METTL24: variants seen among roughly 807,000 people sequenced by gnomAD.
METTL24 encodes probable methyltransferase-like protein 24.
Under a neutral mutation model 32.7 loss-of-function variants are expected in METTL24, and 29 were observed. That is an observed-to-expected ratio of 0.89 (90% CI 0.66 to 1.21). METTL24 has a LOEUF of 1.21. Among genes scored for constraint, METTL24 ranks in the 50% most tolerant of loss-of-function variants. The pLI, the probability that METTL24 is intolerant of heterozygous loss-of-function variation, is 0.00. For synonymous variants in METTL24, 163 were observed against 179.5 expected (o/e 0.91, Z 0.73); for missense variants, 439 against 468.1 (o/e 0.94, Z 0.57).
intron 4 of METTL24, among the ~76,000 whole-genome samples, chr6:110,251,564 C>T (rs897598290): frequency 6.6e-6 from 1 of 152,088 alleles, no homozygotes; most frequent in Non-Finnish European, 1.5e-5. Flanking sequence ...GTTTGCACCA[C>T]CATAACAAAA....
intron 1 of METTL24, chr6:110,332,352 A>G (rs1009253665): frequency 4.8e-6 from 1 of 208,754 alleles, no homozygotes; most frequent in Non-Finnish European, 8.3e-6. Flanking sequence ...TGTGAGCAAG[A>G]CTGAAACACA....
intron 1 of METTL24, among the ~76,000 whole-genome samples, chr6:110,341,925 G>A (rs533546113): frequency 2.2e-4 from 34 of 152,246 alleles, no homozygotes; most frequent in African/African-American, 7.9e-4. Context: ...CCTTTTTAAC[G>A]CAAAAGCCCT....
intron 1 of METTL24, among the ~76,000 whole-genome samples, chr6:110,354,248 G>A (rs1201765077): frequency 6.6e-6 from 1 of 152,136 alleles, no homozygotes; most frequent in Non-Finnish European, 1.5e-5. Flanking sequence ...AAGGGGACGA[G>A]GAAAGAAAGA....
At position 110,265,812 on chromosome 6, in the gene METTL24, G is replaced by A. The variant is rs1041800504; in HGVS notation, c.787-19552C>T. 3.3e-5 allele frequency among the ~76,000 whole-genome samples: 5 copies of A among 149,986 alleles called. No homozygotes were observed. In the East Asian group the frequency reaches 9.7e-4, roughly 29 times the overall value. On this transcript the variant is annotated intron_variant, in intron 4 of 4. Transcript: ENST00000338882. ...CTCCCTCCAGAGTTCTTTTATGTAA[G>A]AGAAGGAAGAAAATTTTTCTTTTTT...
intron 4 of METTL24, among the ~76,000 whole-genome samples, chr6:110,262,445 T>C (rs541290268): frequency 2.6e-5 from 4 of 152,052 alleles, no homozygotes; most frequent in Non-Finnish European, 5.9e-5. Flanking sequence ...AATAGACCAA[T>C]AACAGGCTCT....
chr6:110,321,032 T>G (rs1393424859), intron 2 of METTL24, among the ~76,000 whole-genome samples: 1 of 150,996 alleles, frequency 6.6e-6, no homozygotes, highest in African/African-American at 2.4e-5. Context: ...AGGTCAGGAG[T>G]TCAAGACCAG....
intron 1 of METTL24, among the ~76,000 whole-genome samples, chr6:110,336,838 T>A (rs1316751080): frequency 1.3e-5 from 2 of 151,782 alleles, no homozygotes; most frequent in African/African-American, 2.4e-5. Flanking sequence ...GAAAATTAGT[T>A]CAACCGTTAG....
At position 110,358,005 on chromosome 6, in the gene METTL24, C is replaced by G; in HGVS notation, c.268G>C (p.Gly90Arg). 1.7e-6 allele frequency: 2 copies of G among 1,162,904 alleles called. No homozygotes were observed. The highest frequency in any genetic ancestry group is 2.1e-6 in the Non-Finnish European group (2 of 944,004). 72.0% of individuals were successfully genotyped at this position (1,162,904 alleles called of 1,614,324 possible). A position where few individuals can be genotyped will look rare whatever the true frequency, so the allele number is the denominator to read the frequency against. ...RRAPPGGGGS[G>R]TPEPGCCAPR... ...GCACAGCAGCCAGGCTCCGGCGTCCCGCTCCCGCCGCCCCCCGGCGGCGCC... is the reference window on the plus strand; with the variant it reads ...GCACAGCAGCCAGGCTCCGGCGTCCGGCTCCCGCCGCCCCCCGGCGGCGCC... Residue 90 changes from glycine to arginine, a missense_variant, in exon 1 of 5, where the codon GGG becomes CGG. Coordinates refer to ENST00000338882, the MANE Select transcript of METTL24 (RefSeq NM_001123364.3).
intron 1 of METTL24, among the ~76,000 whole-genome samples, chr6:110,323,999 A>T (rs1369323424): frequency 6.6e-6 from 1 of 152,136 alleles, no homozygotes; most frequent in Non-Finnish European, 1.5e-5. Context: ...AAACATCTAG[A>T]CAGGCCAGCC....
intron 1 of METTL24, among the ~76,000 whole-genome samples, chr6:110,333,312 G>A (rs1195672599): frequency 3.3e-5 from 5 of 152,270 alleles, no homozygotes; most frequent in African/African-American, 9.6e-5. Context: ...GTTGGCAGAG[G>A]GTGGGGAGGA....
intron 1 of METTL24, among the ~76,000 whole-genome samples, chr6:110,330,752 G>C (rs1165584406): frequency 6.6e-6 from 1 of 152,192 alleles, no homozygotes; most frequent in Non-Finnish European, 1.5e-5. Context: ...CAGGAGGCTG[G>C]TGGGAACTTG....
chr6:110,334,177 G>C (rs1424759322), intron 1 of METTL24, among the ~76,000 whole-genome samples: 1 of 150,042 alleles, frequency 6.7e-6, no homozygotes, highest in Admixed American at 6.6e-5. Flanking sequence ...CTGCAACCCG[G>C]GGGCCCACAG....
chr6:110,302,672 CAT>C (rs1158783037), intron 3 of METTL24, among the ~76,000 whole-genome samples: 1 of 145,484 alleles, frequency 6.9e-6, no homozygotes, highest in Non-Finnish European at 1.5e-5. Context: ...TATACACACA[CAT>C]ACACGTGTGT....
intron 4 of METTL24, among the ~76,000 whole-genome samples, chr6:110,256,619 CT>C (rs980935375): frequency 1.3e-5 from 2 of 152,180 alleles, no homozygotes; most frequent in African/African-American, 4.8e-5. Context: ...CACCCTCCCC[CT>C]GGCCTTCCAT....
intron 4 of METTL24, among the ~76,000 whole-genome samples, chr6:110,273,233 A>G (rs1770988467): frequency 6.6e-6 from 1 of 152,102 alleles, no homozygotes; most frequent in South Asian, 2.1e-4. Flanking sequence ...TCCTTTCCCT[A>G]CTTTATGCTT....
At chr6:110,313,557 G>T (rs932320109) in intron 3 of METTL24, among the ~76,000 whole-genome samples, 1 of 152,096 alleles carries the variant, frequency 6.6e-6, no homozygotes, top group African/African-American at 2.4e-5. Context: ...TTATCCCAGG[G>T]CGTAAAATAT....
intron 4 of METTL24, among the ~76,000 whole-genome samples, chr6:110,246,730 G>A (rs764693488): frequency 2.6e-5 from 4 of 152,080 alleles, no homozygotes; most frequent in Non-Finnish European, 4.4e-5. Flanking sequence ...TGCCACCCCA[G>A]GAAACTCTGC....
At chr6:110,313,382 T>C (rs1771760676) in intron 3 of METTL24, among the ~76,000 whole-genome samples, 1 of 152,236 alleles carries the variant, frequency 6.6e-6, no homozygotes, top group South Asian at 2.1e-4. Context: ...AAAAATATTT[T>C]AAAATAGGAA....
intron 1 of METTL24, among the ~76,000 whole-genome samples, chr6:110,350,666 C>T (rs1772578151): frequency 6.6e-6 from 1 of 151,878 alleles, no homozygotes; most frequent in Non-Finnish European, 1.5e-5. Flanking sequence ...TGACTCACAT[C>T]TGTAATCCCA....
Sources: allele counts gnomAD v4.1 joint callset (sites outside exome capture counted in the v4.1 genomes callset), GRCh38; gene constraint gnomAD v4.1.1; transcripts MANE v1.5; gene names NCBI Gene and HGNC (gene_info 2026-07-23, HGNC 2026-07-21).